TRANK1: variants seen among roughly 807,000 people sequenced by gnomAD.
TRANK1 encodes the protein TPR and ankyrin repeat-containing protein 1.
TRANK1 carries 198 observed loss-of-function variants against 266.0 expected under a neutral mutation model. The ratio of observed to expected loss-of-function variants is 0.74; its 90% confidence interval spans 0.66 to 0.84. The LOEUF (loss-of-function observed/expected upper bound fraction) is 0.84. TRANK1 is among the 40% of genes least tolerant of loss of function. TRANK1 has a pLI of 0.00. For missense variants in TRANK1, 3,326 were observed against 3,634.6 expected, an observed-to-expected ratio of 0.92 and a Z score of 2.18; for synonymous variants, 1,396 against 1,384.1, an observed-to-expected ratio of 1.01 and a Z score of -0.19.
intron 15 of TRANK1, chr3:36,850,708 A>C (rs1334093887): frequency 8.2e-6 from 8 of 981,040 alleles, no homozygotes; most frequent in Non-Finnish European, 9.7e-6. Context: ...AGTACTCTGT[A>C]AACTGCAAAG....
chr3:36,935,975 C>T (rs1367683765), intron 1 of TRANK1, among the ~76,000 whole-genome samples: 1 of 152,022 alleles, frequency 6.6e-6, no homozygotes, highest in African/African-American at 2.4e-5. Flanking sequence ...TCCCATAAAG[C>T]CAGGTGGTTT....
In TRANK1 at chr3:36,944,943, G is replaced by T. The variant is rs962994848; in HGVS notation, c.-134C>A. The T allele has an allele frequency of 1.1e-6, 1 of 918,034 alleles. No homozygotes were observed. The highest frequency in any genetic ancestry group is 2.5e-5 in the South Asian group (1 of 39,722). The allele number at this position is 918,034 out of a possible 1,614,324, so 56.9% of individuals were successfully genotyped here. ...GGCAGGGGCGGCGCGATGCAGAGGC[G>T]GCGTTCGGGGGCCCCCAGCTGCCTG... On this transcript the variant is annotated 5_prime_UTR_variant, in exon 1 of 24. Coordinates refer to ENST00000645898, the MANE Select transcript of TRANK1 (RefSeq NM_001329998.2).
chr3:36,874,427 G>T, intron 8 of TRANK1, 131 bp from the exon 9 acceptor site: 1 of 944,154 alleles, frequency 1.1e-6, no homozygotes, highest in Non-Finnish European at 1.5e-6. Context: ...TGTTTGTGGA[G>T]CCTGCACTGC....
chr3:36,905,287 T>C, intron 2 of TRANK1, among the ~76,000 whole-genome samples: 3 of 133,246 alleles, frequency 2.3e-5, no homozygotes, highest in Admixed American at 7.6e-5. Context: ...CAAGACTCTG[T>C]CTCAAAAAAA....
At chr3:36,851,960 C>A in intron 14 of TRANK1, 104 bp from the exon 15 acceptor site, 1 of 1,447,786 alleles carries the variant, frequency 6.9e-7, no homozygotes, top group Non-Finnish European at 9.2e-7. Flanking sequence ...AAATGGCCAG[C>A]ATAAACATGG....
At chr3:36,895,585 G>A (rs1431758209) in intron 5 of TRANK1, 55 bp downstream of exon 5, 8 of 1,096,122 alleles carry the variant, frequency 7.3e-6, no homozygotes, top group Non-Finnish European at 1.0e-5. Context: ...CAATGGAAAG[G>A]AATCATTTCA....
chr3:36,827,210 G>C lies in TRANK1; in HGVS notation c.*1065C>G, dbSNP rs2078641704. The C allele has an allele frequency of 6.6e-6, 1 of 152,272 alleles. No individual in the cohort carries two copies. The highest frequency in any genetic ancestry group is 2.1e-4 in the South Asian group (1 of 4,832). The allele number at this position is 152,272 out of a possible 1,614,324, so 9.4% of individuals were successfully genotyped here. On this transcript the variant is annotated 3_prime_UTR_variant, in exon 24 of 24. Coordinates refer to ENST00000645898, the MANE Select transcript of TRANK1 (RefSeq NM_001329998.2). ...GGCTGCTGGCTCACTGTGGGGAGAG[G>C]GTAGGCAATGGCCTCCTGCAAACGG...
In TRANK1 at chr3:36,899,246, G is replaced by T. The variant is rs1175335383; in HGVS notation, c.296C>A (p.Ala99Asp). ...DPTYVKGYYR[A>D]GYSLLRLHQP... is the part of the protein sequence containing the mutation. ...GTGCAACCTCAGCAAGGAATAACCA[G>T]CTCGGTAGTATCCCTGGAACAGGAT... The change falls in exon 4 of 24, where the codon GCT becomes GAT. Residue 99 changes from alanine to aspartate, a missense_variant. Coordinates refer to ENST00000645898, the MANE Select transcript of TRANK1 (RefSeq NM_001329998.2). 5.2e-6 allele frequency: 8 copies of T among 1,537,290 alleles called. No individual in the cohort carries two copies. The highest frequency in any genetic ancestry group is 1.4e-5 in the African/African-American group (1 of 73,176).
chr3:36,937,420 C>T (rs530869500), intron 1 of TRANK1, among the ~76,000 whole-genome samples: 51 of 152,258 alleles, frequency 3.3e-4, no homozygotes, highest in Non-Finnish European at 5.7e-4. Context: ...TACAAATATC[C>T]CAATTTCACA....
chr3:36,880,075 AAT>A (rs1174633879), intron 8 of TRANK1: 1 of 78,308 alleles, frequency 1.3e-5, no homozygotes, highest in Non-Finnish European at 2.5e-5. Flanking sequence ...TAAACATGCA[AAT>A]ATATATAAAC....
chr3:36,902,808 A>T (rs1159906651), intron 3 of TRANK1, among the ~76,000 whole-genome samples: 1 of 152,232 alleles, frequency 6.6e-6, no homozygotes, highest in African/African-American at 2.4e-5. Context: ...GAACAAAACA[A>T]GTTCCTCTGT....
intron 1 of TRANK1, among the ~76,000 whole-genome samples, chr3:36,914,754 T>C (rs559521572): frequency 4.0e-5 from 6 of 149,656 alleles, no homozygotes; most frequent in African/African-American, 1.5e-4. Flanking sequence ...TCTCTTCCCT[T>C]AGCTTCCCTA....
At chr3:36,865,026 T>G (rs2079195465) in intron 9 of TRANK1, among the ~76,000 whole-genome samples, 2 of 129,718 alleles carry the variant, frequency 1.5e-5, no homozygotes, top group South Asian at 2.9e-4. Flanking sequence ...TTTTTTTGGT[T>G]TTTTTTTTTT....
intron 18 of TRANK1, among the ~76,000 whole-genome samples, chr3:36,840,470 T>TG (rs1214986545): frequency 1.5e-5 from 2 of 130,400 alleles, no homozygotes; most frequent in East Asian, 1.9e-4. Flanking sequence ...AACTCCTCCC[T>TG]GTATCTGTCC....
At position 36,879,655 on chromosome 3, in the gene TRANK1, AATATATAAAT is replaced by A. The variant is rs1345767332; in HGVS notation, c.908-5369_908-5360del. 2.1e-4 allele frequency among the ~76,000 whole-genome samples: 20 copies of A among 94,020 alleles called. 5 individuals carry two copies. The highest frequency in any genetic ancestry group is 7.4e-4 in the African/African-American group (17 of 22,986). 61.7% of individuals were successfully genotyped at this position (94,020 alleles called of 152,430 possible). ...ATATATAAATATACAAATATATATAAATATATAAATATATATAAATATATAAATATATAAA... is the reference window on the plus strand; with the variant it reads ...ATATATAAATATACAAATATATATAAATATATAAATATATAAATATATAAA... On this transcript the variant is annotated intron_variant, in intron 8 of 23. Transcript: ENST00000645898.
intron 8 of TRANK1, among the ~76,000 whole-genome samples, chr3:36,889,384 A>C (rs6550439): frequency 0.33 from 50,116 of 152,034 alleles, 9,267 homozygotes; most frequent in East Asian, 0.56. Flanking sequence ...TCATGTGCCT[A>C]GTCTGGCCCC....
chr3:36,943,767 C>T (rs1413112119), intron 1 of TRANK1, among the ~76,000 whole-genome samples: 1 of 152,072 alleles, frequency 6.6e-6, no homozygotes, highest in African/African-American at 2.4e-5. Flanking sequence ...GAACACAAGG[C>T]TTTAATCCCA....
chr3:36,855,680 TC>T lies in TRANK1; in HGVS notation c.4041del (p.Trp1347Ter). The T allele has an allele frequency of 1.9e-6, 3 of 1,613,876 alleles. 1 individual carries two copies. In the East Asian group the frequency reaches 6.7e-5, roughly 36 times the overall value. On this transcript the variant is annotated frameshift_variant, in exon 13 of 24. Transcript: ENST00000645898. LOFTEE classifies it high-confidence loss of function. ...GRTAYNPALI[W>X]KEIKSFLKGS... ...CCCTTTAGAAAAGATTTTATTTCTT[TC>T]CAAATCAGTGCAGGGTTGTAGGCAG...
Position 36,908,324 on chromosome 3 carries a change from C to A in TRANK1, c.154G>T (p.Gly52Trp). ...TGAGGTGAAAATGCAAACACTTACCCCCACTGGTATAACTGCAGGAGAATC... is the reference window on the plus strand; with the variant it reads ...TGAGGTGAAAATGCAAACACTTACCACCACTGGTATAACTGCAGGAGAATC... Reference protein sequence around the residue: ...IQILLQLYQWGVPPRDLAVLL... With the variant: ...IQILLQLYQWWVPPRDLAVLL... The change falls in exon 2 of 24, where the codon GGG (glycine) becomes TGG (tryptophan). Residue 52 changes from glycine (G) to tryptophan (W), a missense_variant and splice_region_variant. Gly to Trp is a radical substitution (Grantham distance 184, BLOSUM62 -2). Coordinates refer to ENST00000645898, the MANE Select transcript of TRANK1 (RefSeq NM_001329998.2). 1.6e-6 allele frequency: 2 copies of A among 1,232,164 alleles called. No homozygotes were observed. Among genetic ancestry groups the A allele is most frequent in the Non-Finnish European group, 2.0e-6 (2 of 987,982 alleles). 76.3% of individuals were successfully genotyped at this position (1,232,164 alleles called of 1,614,324 possible).
Sources: gnomAD v4.1 joint callset for allele counts (sites outside exome capture counted in the v4.1 genomes callset) on GRCh38, gnomAD v4.1.1 for gene constraint, MANE v1.5 for transcripts, NCBI Gene and HGNC (gene_info 2026-07-23, HGNC 2026-07-21) for gene names.